Variants in UMODL1 observed in about 807,000 individuals in gnomAD.
UMODL1 encodes uromodulin like 1, also known as uromodulin-like 1.
A neutral mutation model predicts 136.3 loss-of-function variants in UMODL1; 128 were observed. That is an observed-to-expected ratio of 0.94 (90% CI 0.81 to 1.09). UMODL1 has a LOEUF of 1.09. UMODL1 is among the 50% of genes least tolerant of loss of function. The pLI, the probability that UMODL1 is intolerant of heterozygous loss-of-function variation, is 0.00. For synonymous variants in UMODL1, 721 were observed against 720.0 expected (o/e 1.00, Z -0.02); for missense variants, 1,766 against 1,725.6 (o/e 1.02, Z -0.41).
intron 10 of UMODL1, among the ~76,000 whole-genome samples, chr21:42,110,095 G>A (rs554569655): frequency 4.7e-5 from 7 of 150,462 alleles, no homozygotes; most frequent in Non-Finnish European, 8.9e-5. Context: ...CCTGGAGCCC[G>A]AGACAGTGTG....
chr21:42,138,896 A>C (rs2067243750), intron 22 of UMODL1, among the ~76,000 whole-genome samples: 1 of 152,210 alleles, frequency 6.6e-6, no homozygotes, highest in African/African-American at 2.4e-5. Flanking sequence ...TTTTTCTAAA[A>C]AAAGAACATG....
chr21:42,126,902 G>T, intron 18 of UMODL1, 104 bp from the exon 19 acceptor site: 1 of 953,184 alleles, frequency 1.0e-6, no homozygotes, highest in Non-Finnish European at 1.7e-6. Context: ...TCGTTCATTT[G>T]CACGTTCCTC....
Position 42,114,907 on chromosome 21 carries a change from C to T in UMODL1, c.2363-966C>T, listed in dbSNP as rs2066883441. Among the ~76,000 whole-genome samples, 4 of 152,330 alleles carry T rather than the reference C, an allele frequency of 2.6e-5. No individual in the cohort carries two copies. In the South Asian group the frequency reaches 8.3e-4, roughly 32 times the overall value. The stretch of plus-strand genomic sequence containing the variant: ...TGGGTGCACTTATACCTGCTCTCAC[C>T]TGTGCACCTGTCCTGCTACTGATGG... On this transcript the variant is annotated intron_variant, in intron 13 of 22. Transcript: ENST00000408910.
Position 42,115,904 on chromosome 21 carries a change from C to A in UMODL1, c.2394C>A (p.Ile798=), listed in dbSNP as rs373116105. ...GGAAGCTCATTGGAAAGGTCAGAAT[C>A]AAAAATGTCAGGTACTCAGAATCCT... is the stretch of plus-strand genomic sequence containing the variant. ...AARKLIGKVR[I]KNVRYSESFR... The change falls in exon 14 of 23, where the codon ATC becomes ATA. Residue 798 remains isoleucine (I), a synonymous_variant. Coordinates refer to ENST00000408910, the MANE Select transcript of UMODL1 (RefSeq NM_001004416.3). 192 of 1,613,988 alleles carry A rather than the reference C, an allele frequency of 1.2e-4. 1 individual carries two copies. Among genetic ancestry groups the A allele is most frequent in the Middle Eastern group, 9.9e-4 (6 of 6,060 alleles).
At chr21:42,080,796 C>A (rs146630500) in intron 2 of UMODL1, among the ~76,000 whole-genome samples, 2 of 152,220 alleles carry the variant, frequency 1.3e-5, no homozygotes, top group African/African-American at 4.8e-5. Context: ...ACATTTGTAG[C>A]ACGATTTTAC....
chr21:42,128,155 A>G, intron 20 of UMODL1: 1 of 426,452 alleles, frequency 2.3e-6, no homozygotes. Context: ...GGTGATTTAT[A>G]GGTGTAAAAA....
In UMODL1 at chr21:42,113,733, A is replaced by G. The variant is rs769078610; in HGVS notation, c.2265A>G (p.Thr755=). The change falls in exon 13 of 23, where the codon ACA becomes ACG. Residue 755 remains threonine (T), a synonymous_variant. Coordinates refer to ENST00000408910, the MANE Select transcript of UMODL1 (RefSeq NM_001004416.3). ...VVLETWNTSV[T]LSGLEPGVLH... is the part of the protein sequence containing the mutation. Reference sequence around the variant, plus strand: ...TAGAGACCTGGAACACGAGTGTGACACTGTCGGGGCTGGAGCCTGGGGTCT... The same window carrying G: ...TAGAGACCTGGAACACGAGTGTGACGCTGTCGGGGCTGGAGCCTGGGGTCT... 1 of 1,614,014 alleles carries G rather than the reference A, an allele frequency of 6.2e-7. No homozygotes were observed. Among genetic ancestry groups the G allele is most frequent in the Non-Finnish European group, 8.5e-7 (1 of 1,180,012 alleles).
intron 6 of UMODL1, among the ~76,000 whole-genome samples, chr21:42,098,164 T>C (rs2066580293): frequency 7.1e-6 from 1 of 141,690 alleles, no homozygotes; most frequent in Non-Finnish European, 1.6e-5. Context: ...GATGACTGTA[T>C]ACGGGTCCCC....
At chr21:42,107,137 G>A (rs1297531787) in intron 9 of UMODL1, among the ~76,000 whole-genome samples, 1 of 152,106 alleles carries the variant, frequency 6.6e-6, no homozygotes, top group South Asian at 2.1e-4. Context: ...TAACAGCACG[G>A]CCCCTATTCC....
In UMODL1 at chr21:42,126,504, G is replaced by A. The variant is rs371381886; in HGVS notation, c.3293+14G>A. ...CCTGGAGTGGGGGTAAGGGAGAAAT[G>A]CCCCGGCTGCCCCACAGCCACGTGC... On this transcript the variant is annotated intron_variant, in intron 18 of 22. Transcript: ENST00000408910. 1 of 1,614,104 alleles carries A rather than the reference G, an allele frequency of 6.2e-7. No individual in the cohort carries two copies. Among genetic ancestry groups the A allele is most frequent in the African/African-American group, 1.3e-5 (1 of 75,060 alleles).
At chr21:42,079,739 G>A (rs1246317614) in intron 2 of UMODL1, among the ~76,000 whole-genome samples, 1 of 152,226 alleles carries the variant, frequency 6.6e-6, no homozygotes, top group African/African-American at 2.4e-5. Context: ...TCCAGGCTAG[G>A]GGAGGCCCGC....
intron 14 of UMODL1, among the ~76,000 whole-genome samples, chr21:42,116,459 C>A (rs1049365540): frequency 7.9e-5 from 12 of 152,154 alleles, no homozygotes; most frequent in Non-Finnish European, 1.5e-4. Flanking sequence ...TCTGGCCTGA[C>A]TCCCTGAGTG....
rs1266092950 is a variant in UMODL1 at position 42,111,591 on chromosome 21, G to T, written c.1985G>T (p.Arg662Leu). The T allele has an allele frequency of 6.2e-7, 1 of 1,614,110 alleles. No homozygotes were observed. Among genetic ancestry groups the T allele is most frequent in the East Asian group, 2.2e-5 (1 of 44,880 alleles). ...PTGHFLWHAT[R>L]STRETLLNPT... Reference sequence around the variant, plus strand: ...GGCCACTTCCTGTGGCATGCCACCCGTTCCACCCGGGAAACACTTCTGAAT... The same window carrying T: ...GGCCACTTCCTGTGGCATGCCACCCTTTCCACCCGGGAAACACTTCTGAAT... Residue 662 changes from arginine (R) to leucine (L), a missense_variant, in exon 12 of 23, where the codon CGT (arginine) becomes CTT (leucine). Coordinates refer to ENST00000408910, the MANE Select transcript of UMODL1 (RefSeq NM_001004416.3).
Position 42,126,344 on chromosome 21 carries a change from G to C in UMODL1, c.3148-1G>C, listed in dbSNP as rs768718879. 7 of 1,614,060 alleles carry C rather than the reference G, an allele frequency of 4.3e-6. No individual in the cohort carries two copies. The highest frequency in any genetic ancestry group is 5.9e-6 in the Non-Finnish European group (7 of 1,180,004). On this transcript the variant is annotated splice_acceptor_variant, in intron 17 of 22. Transcript: ENST00000408910. LOFTEE classifies it high-confidence loss of function. Reference sequence around the variant, plus strand: ...CTCCTCATGCTCCGCTTTGTGCTCAGAACATGACGAACACCGTGGTGAGGA... The same window carrying C: ...CTCCTCATGCTCCGCTTTGTGCTCACAACATGACGAACACCGTGGTGAGGA...
At position 42,127,175 on chromosome 21, in the gene UMODL1, A is replaced by G; in HGVS notation, c.3463A>G (p.Thr1155Ala). 2.5e-6 allele frequency: 4 copies of G among 1,614,178 alleles called. No homozygotes were observed. Among genetic ancestry groups the G allele is most frequent in the Non-Finnish European group, 3.4e-6 (4 of 1,180,040 alleles). The change falls in exon 19 of 23, where the codon ACG (threonine) becomes GCG (alanine). Residue 1155 changes from threonine to alanine, a missense_variant. Physicochemically the swap from Thr to Ala is moderately conservative, Grantham distance 58. Transcript: ENST00000408910. ...GAAAAGCAACCTCAAGGTGGTCCTG[A>G]CGGAGTGCTGGGCAACCCCGTCTAG... is the stretch of plus-strand genomic sequence containing the variant. The part of the protein sequence containing the change: ...RQKSNLKVVL[T>A]ECWATPSSNA...
intron 15 of UMODL1, 154 bp from the exon 16 acceptor site, chr21:42,120,933 C>T (rs1449783413): frequency 5.3e-6 from 5 of 937,086 alleles, no homozygotes; most frequent in Admixed American, 2.8e-5. Flanking sequence ...CAGGAAGCCT[C>T]CTGTACTTTC....
chr21:42,080,937 A>G (rs2066354256), intron 2 of UMODL1, among the ~76,000 whole-genome samples: 1 of 152,214 alleles, frequency 6.6e-6, no homozygotes. Context: ...CTTAACTGTC[A>G]GTTGTTTCCA....
chr21:42,075,241 T>TGG (rs35546438), intron 1 of UMODL1, among the ~76,000 whole-genome samples: 2,218 of 142,990 alleles, frequency 0.016, 32 homozygotes, highest in African/African-American at 0.039. Context: ...TTGCTGGAGA[T>TGG]GGGGGGGGGG....
At chr21:42,075,681 C>T (rs530899390) in intron 1 of UMODL1, among the ~76,000 whole-genome samples, 1 of 152,320 alleles carries the variant, frequency 6.6e-6, no homozygotes, top group East Asian at 1.9e-4. Context: ...GTGCTCTCTC[C>T]TTCGTATATG....
Sources: allele counts gnomAD v4.1 joint callset (sites outside exome capture counted in the v4.1 genomes callset), GRCh38; gene constraint gnomAD v4.1.1; transcripts MANE v1.5; gene names NCBI Gene and HGNC (gene_info 2026-07-23, HGNC 2026-07-21).